OR51B5: variants seen among roughly 807,000 people sequenced by gnomAD.
OR51B5 encodes the protein olfactory receptor 51B5.
For synonymous variants in OR51B5, 186 were observed against 144.8 expected (o/e 1.28, Z -2.04); for missense variants, 456 against 374.6 (o/e 1.22, Z -1.79).
chr11:5,343,609 T>TATCA (rs1848942360), upstream of OR51B5: 6 of 580,054 alleles, frequency 1.0e-5, no homozygotes, highest in Non-Finnish European at 1.8e-5. Context: ...ACTTCGACTA[T>TATCA]ATCATTCTCA....
intron 1 of OR51B5, among the ~76,000 whole-genome samples, chr11:5,446,021 C>T (rs564303110): frequency 3.3e-5 from 5 of 152,036 alleles, no homozygotes; most frequent in Non-Finnish European, 7.4e-5. Flanking sequence ...AACCAAACAC[C>T]GCATGTTCTC....
chr11:5,421,327 G>T (rs759522353), intron 1 of OR51B5, among the ~76,000 whole-genome samples: 2 of 152,230 alleles, frequency 1.3e-5, no homozygotes, highest in Non-Finnish European at 2.9e-5. Context: ...GCCACAGATG[G>T]TGACGAGGGT....
chr11:5,389,684 A>G, intron 1 of OR51B5: 3 of 1,613,640 alleles, frequency 1.9e-6, no homozygotes, highest in Non-Finnish European at 2.5e-6. Flanking sequence ...CACTATGGGG[A>G]TCTTCTGGTT....
At chr11:5,390,145 C>T (rs764780105) in intron 1 of OR51B5, 1 of 1,613,882 alleles carries the variant, frequency 6.2e-7, no homozygotes, top group African/African-American at 1.3e-5. Context: ...AGCGCCGTGC[C>T]TTTCAGACAT....
At chr11:5,390,297 A>G in intron 1 of OR51B5, 1 of 1,613,552 alleles carries the variant, frequency 6.2e-7, no homozygotes, top group Non-Finnish European at 8.5e-7. Flanking sequence ...CCCATGCTTA[A>G]CCCAATCATA....
intron 1 of OR51B5, chr11:5,422,003 G>A: frequency 3.6e-6 from 2 of 549,030 alleles, no homozygotes; most frequent in South Asian, 2.7e-5. Context: ...TTAGCTGTGT[G>A]GGAGCAGTCT....
intron 1 of OR51B5, among the ~76,000 whole-genome samples, chr11:5,368,861 C>T (rs1474924802): frequency 6.6e-6 from 1 of 152,154 alleles, no homozygotes; most frequent in Admixed American, 6.6e-5. Context: ...GGAATTTACA[C>T]CATTCTTATG....
chr11:5,476,813 A>G (rs150826014), intron 1 of OR51B5, among the ~76,000 whole-genome samples: 2 of 152,136 alleles, frequency 1.3e-5, no homozygotes, highest in African/African-American at 2.4e-5. Flanking sequence ...TATTTTACCT[A>G]TATCATTAGC....
At chr11:5,484,841 T>G (rs147928241) in intron 1 of OR51B5, among the ~76,000 whole-genome samples, 8 of 152,350 alleles carry the variant, frequency 5.3e-5, no homozygotes, top group South Asian at 2.1e-4. Flanking sequence ...TACATATGTA[T>G]TATTTCAAAA....
chr11:5,485,918 T>C (rs986367114), intron 1 of OR51B5, among the ~76,000 whole-genome samples: 2 of 152,102 alleles, frequency 1.3e-5, no homozygotes, highest in African/African-American at 4.8e-5. Context: ...AAAGATGTGA[T>C]AGTTTTTTTA....
chr11:5,485,866 T>C (rs1222730791), intron 1 of OR51B5, among the ~76,000 whole-genome samples: 1 of 152,104 alleles, frequency 6.6e-6, no homozygotes, highest in Non-Finnish European at 1.5e-5. Context: ...TAATTAACCC[T>C]CAGCATCTCA....
At chr11:5,421,181 T>C (rs1850329326) in intron 1 of OR51B5, among the ~76,000 whole-genome samples, 1 of 152,256 alleles carries the variant, frequency 6.6e-6, no homozygotes, top group South Asian at 2.1e-4. Flanking sequence ...CTGGGCTCCC[T>C]GTGGGACCCA....
intron 1 of OR51B5, among the ~76,000 whole-genome samples, chr11:5,437,365 G>A (rs993269161): frequency 6.6e-6 from 1 of 152,136 alleles, no homozygotes; most frequent in Admixed American, 6.6e-5. Context: ...TCAGAGACTG[G>A]AGCTTGAAGG....
intron 1 of OR51B5, chr11:5,389,509 C>G: frequency 6.2e-7 from 1 of 1,614,038 alleles, no homozygotes; most frequent in Non-Finnish European, 8.5e-7. Flanking sequence ...GCATCAAACA[C>G]TGGATTTTCA....
chr11:5,505,602 G>C, exon 1 of OR51B5: 1 of 659,644 alleles, frequency 1.5e-6, no homozygotes, highest in Non-Finnish European at 2.1e-6. Flanking sequence ...TCACAACCAT[G>C]GCCAGGAGAA....
At chr11:5,359,315 G>T (rs1356622116) in intron 1 of OR51B5, among the ~76,000 whole-genome samples, 1 of 148,382 alleles carries the variant, frequency 6.7e-6, no homozygotes, top group South Asian at 2.2e-4. Context: ...CAAAATCAAT[G>T]TGCAAAAATC....
chr11:5,359,989 T>C (rs1849255955), intron 1 of OR51B5, among the ~76,000 whole-genome samples: 1 of 152,232 alleles, frequency 6.6e-6, no homozygotes, highest in African/African-American at 2.4e-5. Flanking sequence ...ATACAAAAAT[T>C]AATTCAAGAT....
intron 1 of OR51B5, among the ~76,000 whole-genome samples, chr11:5,451,719 A>T (rs112347574): frequency 6.6e-6 from 1 of 152,170 alleles, no homozygotes; most frequent in Non-Finnish European, 1.5e-5. Context: ...CATTCCCATC[A>T]GAAAGAACTC....
At chr11:5,342,651 C>A in exon 1 of OR51B5, 1 of 1,612,756 alleles carries the variant, frequency 6.2e-7, no homozygotes, top group Non-Finnish European at 8.5e-7. Context: ...TTGGTCTTGA[C>A]ACTATATGTT....
Sources: allele counts gnomAD v4.1 joint callset (sites outside exome capture counted in the v4.1 genomes callset), GRCh38; gene constraint gnomAD v4.1.1; transcripts MANE v1.5; gene names NCBI Gene and HGNC (gene_info 2026-07-23, HGNC 2026-07-21).